The following CUX1 variants were observed in gnomAD, a reference collection of about 807,000 sequenced individuals.
CUX1 encodes protein CASP.
In CUX1, 31 loss-of-function variants were observed where a neutral mutation model predicts 158.8. The observed-to-expected ratio is 0.20, with a 90% CI of 0.15 to 0.26. CUX1 has a LOEUF of 0.26. CUX1 is among the 10% of genes least tolerant of loss of function. The pLI is 1.00. For missense variants in CUX1, 1,589 were observed against 2,014.6 expected (o/e 0.79, Z 4.04); for synonymous variants, 879 against 862.1 (o/e 1.02, Z -0.34).
chr7:102,185,127 A>AC (rs1793498637), intron 11 of CUX1, among the ~76,000 whole-genome samples: 1 of 152,194 alleles, frequency 6.6e-6, no homozygotes, highest in Admixed American at 6.5e-5. Flanking sequence ...ACCTTCACGA[A>AC]CAGAGCCCCT....
chr7:101,940,039 C>T (rs765099252), intron 2 of CUX1, among the ~76,000 whole-genome samples: 7 of 150,660 alleles, frequency 4.6e-5, no homozygotes, highest in East Asian at 3.9e-4. Flanking sequence ...GAGATTGCAC[C>T]GCTGCACTCC....
chr7:102,263,624 T>A (rs1211388540), intron 14 of CUX1, among the ~76,000 whole-genome samples: 7 of 149,810 alleles, frequency 4.7e-5, no homozygotes, highest in Non-Finnish European at 8.9e-5. Flanking sequence ...CCGAAAGGGG[T>A]TAAAGTTTTA....
chr7:102,275,159 C>G (rs1791518083), intron 16 of CUX1: 3 of 900,716 alleles, frequency 3.3e-6, no homozygotes, highest in Non-Finnish European at 5.2e-6. Context: ...TGGCAGAAAT[C>G]CCCCAGGGCT....
At chr7:101,933,890 G>GA (rs539223980) in intron 2 of CUX1, among the ~76,000 whole-genome samples, 62 of 150,892 alleles carry the variant, frequency 4.1e-4, no homozygotes, top group African/African-American at 1.2e-3. Context: ...TTGAAATGAT[G>GA]AAAAAAAAAG....
intron 2 of CUX1, among the ~76,000 whole-genome samples, chr7:101,958,173 GCCC>G (rs1192161624): frequency 2.6e-5 from 4 of 152,134 alleles, no homozygotes; most frequent in Non-Finnish European, 4.4e-5. Context: ...GGTAAAAATA[GCCC>G]CCCTCCTTCT....
chr7:102,179,625 C>T (rs1156271173), intron 11 of CUX1, among the ~76,000 whole-genome samples: 3 of 152,216 alleles, frequency 2.0e-5, no homozygotes, highest in African/African-American at 7.2e-5. Context: ...AGAGCTTTTT[C>T]CACATATTAA....
chr7:101,871,846 C>T (rs1584831241), intron 1 of CUX1, among the ~76,000 whole-genome samples: 1 of 151,874 alleles, frequency 6.6e-6, no homozygotes, highest in Non-Finnish European at 1.5e-5. Context: ...GGTGAAACCC[C>T]GTCTCTACTA....
At chr7:101,893,762 G>A (rs778668621) in intron 1 of CUX1, among the ~76,000 whole-genome samples, 1 of 152,206 alleles carries the variant, frequency 6.6e-6, no homozygotes, top group Non-Finnish European at 1.5e-5. Context: ...CTATGTAAAT[G>A]AGAATGAGAA....
chr7:102,199,215 G>A (rs782678138), intron 16 of CUX1, among the ~76,000 whole-genome samples: 28 of 152,182 alleles, frequency 1.8e-4, no homozygotes, highest in African/African-American at 5.5e-4. Context: ...CAGGTGACCC[G>A]TCAAATTAAA....
chr7:101,986,223 G>T (rs570756074), intron 2 of CUX1, among the ~76,000 whole-genome samples: 1 of 152,212 alleles, frequency 6.6e-6, no homozygotes, highest in South Asian at 2.1e-4. Context: ...AGGCACTGGG[G>T]TCGGATCTTC....
intron 18 of CUX1, among the ~76,000 whole-genome samples, chr7:102,278,657 A>AATAAAATAAAAAAATAT (rs781848717): frequency 2.0e-5 from 2 of 99,106 alleles, no homozygotes; most frequent in Non-Finnish European, 4.8e-5. Flanking sequence ...AATAAAATAA[A>AATAAAATAAAAAAATAT]AAAATAAAAT....
chr7:102,029,381 A>G (rs1444041846), intron 3 of CUX1, among the ~76,000 whole-genome samples: 2 of 152,076 alleles, frequency 1.3e-5, no homozygotes, highest in Non-Finnish European at 2.9e-5. Context: ...CAGGAGAGAT[A>G]TGGCCGTGAG....
intron 4 of CUX1, among the ~76,000 whole-genome samples, chr7:102,077,528 TA>T (rs35999980): frequency 0.014 from 1,652 of 113,938 alleles, 38 homozygotes; most frequent in African/African-American, 0.052. Flanking sequence ...CCCATCTCTT[TA>T]AAAAAAAAAA....
chr7:101,833,827 A>G (rs1364795159), intron 1 of CUX1, among the ~76,000 whole-genome samples: 1 of 152,050 alleles, frequency 6.6e-6, no homozygotes, highest in Non-Finnish European at 1.5e-5. Flanking sequence ...CTGTGTTAGG[A>G]GGAGGCGATT....
chr7:101,912,443 T>C (rs969603459), intron 1 of CUX1, among the ~76,000 whole-genome samples: 1 of 152,140 alleles, frequency 6.6e-6, no homozygotes, highest in African/African-American at 2.4e-5. Flanking sequence ...TGTCCCACAC[T>C]ATGCATTACC....
At chr7:102,005,438 G>T (rs1585245467) in intron 2 of CUX1, among the ~76,000 whole-genome samples, 1 of 152,166 alleles carries the variant, frequency 6.6e-6, no homozygotes, top group Admixed American at 6.5e-5. Flanking sequence ...GGGCTCAAGC[G>T]ATGCTCCCAC....
At chr7:102,277,221 C>T (rs539651686) in intron 17 of CUX1, among the ~76,000 whole-genome samples, 6 of 152,104 alleles carry the variant, frequency 3.9e-5, no homozygotes, top group African/African-American at 1.4e-4. Context: ...TCGCTTGAGT[C>T]GGGAGGCTGA....
rs767437654 is a variant in CUX1, at chr7:101,998,331, G to A, written c.142-29767G>A. Among the ~76,000 whole-genome samples, 97 of 152,258 alleles carry A rather than the reference G, an allele frequency of 6.4e-4. 1 individual carries two copies. The highest frequency in any genetic ancestry group is 1.3e-3 in the Non-Finnish European group (87 of 68,044). ...TGGGTGTGCACAGTGCGGATTGCAG[G>A]ACTGTGTCTGAGCTGTAGGTGCACA... On this transcript the variant is annotated intron_variant, in intron 2 of 23. Coordinates refer to ENST00000292535, the MANE Select transcript of CUX1 (RefSeq NM_181552.4).
chr7:102,021,079 A>G (rs1369757014), intron 2 of CUX1, among the ~76,000 whole-genome samples: 1 of 151,938 alleles, frequency 6.6e-6, no homozygotes. Context: ...CAAGTCTTTC[A>G]GAAGTGACCC....
Sources: gnomAD v4.1 joint callset for allele counts (sites outside exome capture counted in the v4.1 genomes callset) on GRCh38, gnomAD v4.1.1 for gene constraint, MANE v1.5 for transcripts, NCBI Gene and HGNC (gene_info 2026-07-23, HGNC 2026-07-21) for gene names.